Variants in PAPPA2 observed in about 807,000 individuals in gnomAD.
The protein encoded by PAPPA2 is pappalysin 2, also known as pappalysin-2.
A neutral mutation model predicts 176.4 loss-of-function variants in PAPPA2; 86 were observed. The observed-to-expected ratio is 0.49, with a 90% CI of 0.41 to 0.58. The LOEUF (loss-of-function observed/expected upper bound fraction) is 0.58. PAPPA2 is among the 20% of genes least tolerant of loss of function. The pLI is 0.00. For missense variants in PAPPA2, 2,073 were observed against 2,256.9 expected, an observed-to-expected ratio of 0.92 and a Z score of 1.65; for synonymous variants, 809 against 852.2, an observed-to-expected ratio of 0.95 and a Z score of 0.88.
At position 176,576,679 on chromosome 1, in the gene PAPPA2, G is replaced by A. The variant is rs550481656; in HGVS notation, c.920-17845G>A. 2.6e-5 allele frequency among the ~76,000 whole-genome samples: 4 copies of A among 152,300 alleles called. No individual in the cohort carries two copies. The South Asian group carries it at 8.3e-4, about 32-fold the overall frequency. On this transcript the variant is annotated intron_variant, in intron 2 of 22. Transcript: ENST00000367662. ...TCCTGCTCCTCAGTGTATGGTTTGA[G>A]ATTCAGCAGCATCAGTTTCTCCTGA...
At chr1:176,638,616 C>T (rs564643827) in intron 3 of PAPPA2, among the ~76,000 whole-genome samples, 103 of 152,162 alleles carry the variant, frequency 6.8e-4, no homozygotes, top group African/African-American at 2.4e-3. Context: ...AACCCTCCTT[C>T]ATGGCGCACT....
Position 176,845,563 on chromosome 1 carries a change from G to A in PAPPA2, c.*3109G>A, listed in dbSNP as rs1667632750. 6.6e-6 allele frequency: 1 copy of A among 152,180 alleles called. No individual in the cohort carries two copies. Among genetic ancestry groups the A allele is most frequent in the Non-Finnish European group, 1.5e-5 (1 of 68,036 alleles). 9.4% of individuals were successfully genotyped at this position (152,180 alleles called of 1,614,324 possible). ...ACAGCTACAGCCAGTTATTTTGTAAGATTATAAGTTGTTCATTAAAAAATC... is the reference window on the plus strand; with the variant it reads ...ACAGCTACAGCCAGTTATTTTGTAAAATTATAAGTTGTTCATTAAAAAATC... On this transcript the variant is annotated 3_prime_UTR_variant, in exon 23 of 23. Transcript: ENST00000367662.
intron 1 of PAPPA2, among the ~76,000 whole-genome samples, chr1:176,493,410 T>G (rs936080093): frequency 6.6e-6 from 1 of 152,216 alleles, no homozygotes; most frequent in African/African-American, 2.4e-5. Context: ...AGTATTGAAT[T>G]GACAGATGTC....
intron 3 of PAPPA2, among the ~76,000 whole-genome samples, chr1:176,644,800 C>G (rs1362258537): frequency 6.6e-6 from 1 of 151,736 alleles, no homozygotes. Context: ...AAGGTGACAT[C>G]TATACCACCT....
chr1:176,704,263 G>C (rs934046427), intron 9 of PAPPA2, among the ~76,000 whole-genome samples: 25 of 152,282 alleles, frequency 1.6e-4, no homozygotes, highest in African/African-American at 6.0e-4. Flanking sequence ...AATGTTCCTT[G>C]AAACTTCTGC....
chr1:176,761,957 G>A (rs1260162612), intron 14 of PAPPA2, among the ~76,000 whole-genome samples: 1 of 152,196 alleles, frequency 6.6e-6, no homozygotes, highest in Non-Finnish European at 1.5e-5. Flanking sequence ...GTAGTATTAG[G>A]TAGAAAGGAG....
intron 2 of PAPPA2, among the ~76,000 whole-genome samples, chr1:176,565,603 G>A (rs982363804): frequency 6.6e-6 from 1 of 152,186 alleles, no homozygotes. Context: ...GCTGAGGTGG[G>A]GGGATCACCT....
At chr1:176,645,514 C>A (rs952024160) in intron 3 of PAPPA2, among the ~76,000 whole-genome samples, 3 of 151,714 alleles carry the variant, frequency 2.0e-5, no homozygotes, top group African/African-American at 7.3e-5. Context: ...TAGTTTGATT[C>A]CATATTTTAG....
At chr1:176,598,400 T>C (rs942283879) in intron 3 of PAPPA2, among the ~76,000 whole-genome samples, 1 of 152,230 alleles carries the variant, frequency 6.6e-6, no homozygotes, top group Non-Finnish European at 1.5e-5. Flanking sequence ...ATCTCCTTCC[T>C]TGCCCTTGCA....
At position 176,521,071 on chromosome 1, in the gene PAPPA2, A is replaced by AGTGT. The variant is rs71643354; in HGVS notation, c.-916-34315_-916-34312dup. Among the ~76,000 whole-genome samples the AGTGT allele has an allele frequency of 4.1e-3, 614 of 149,968 alleles. 4 individuals are homozygous for AGTGT. Among genetic ancestry groups the AGTGT allele is most frequent in the Middle Eastern group, 6.8e-3 (2 of 294 alleles). On this transcript the variant is annotated intron_variant, in intron 1 of 22. Coordinates refer to ENST00000367662, the MANE Select transcript of PAPPA2 (RefSeq NM_020318.3). ...TTGATGTAAGAAAGCATAACACTGGAGTGTGTGTGTGTGTGTGTGTGTGTC... is the reference window on the plus strand; with the variant it reads ...TTGATGTAAGAAAGCATAACACTGGAGTGTGTGTGTGTGTGTGTGTGTGTGTGTC...
chr1:176,556,347 A>G lies in PAPPA2; in HGVS notation c.25A>G (p.Ile9Val), dbSNP rs1489808048. ...TATGATGTGCTTAAAGATCCTAAGAATAAGCCTGGCGATTTTGGCTGGGTG... is the reference window on the plus strand; with the variant it reads ...TATGATGTGCTTAAAGATCCTAAGAGTAAGCCTGGCGATTTTGGCTGGGTG... MMCLKILR[I>V]SLAILAGWAL... The change falls in exon 2 of 23, where the codon ATA (isoleucine) becomes GTA (valine). Residue 9 changes from isoleucine (I) to valine (V), a missense_variant. Transcript: ENST00000367662. The G allele has an allele frequency of 1.2e-5, 19 of 1,613,958 alleles. No homozygotes were observed. Among genetic ancestry groups the G allele is most frequent in the Admixed American group, 1.7e-5 (1 of 59,992 alleles).
chr1:176,510,810 T>TACACACACACACACACACACACACACAC (rs200808228), intron 1 of PAPPA2, among the ~76,000 whole-genome samples: 11 of 126,490 alleles, frequency 8.7e-5, no homozygotes, highest in Admixed American at 3.1e-4. Flanking sequence ...AAGCAACACA[T>TACACACACACACACACACACACACACAC]ACACACACAC....
intron 4 of PAPPA2, among the ~76,000 whole-genome samples, chr1:176,677,493 C>A (rs1246467023): frequency 6.6e-6 from 1 of 152,184 alleles, no homozygotes; most frequent in Non-Finnish European, 1.5e-5. Flanking sequence ...AATCTTTTTA[C>A]AGGTGGATCA....
chr1:176,567,192 T>C (rs1274272120), intron 2 of PAPPA2, among the ~76,000 whole-genome samples: 1 of 152,176 alleles, frequency 6.6e-6, no homozygotes, highest in Middle Eastern at 3.2e-3. Flanking sequence ...AAAGAGAACA[T>C]CCAGTAAAGA....
intron 3 of PAPPA2, among the ~76,000 whole-genome samples, chr1:176,652,521 C>A (rs914166703): frequency 6.6e-6 from 1 of 151,650 alleles, no homozygotes; most frequent in East Asian, 2.0e-4. Context: ...GGATTCATGC[C>A]CATGGGACCT....
chr1:176,786,494 C>T (rs1402116248), intron 17 of PAPPA2, among the ~76,000 whole-genome samples: 4 of 152,154 alleles, frequency 2.6e-5, no homozygotes, highest in South Asian at 2.1e-4. Context: ...TCAAGCCGTA[C>T]GCTAAGATTT....
intron 1 of PAPPA2, among the ~76,000 whole-genome samples, chr1:176,478,468 C>G (rs1652239963): frequency 1.3e-5 from 2 of 152,206 alleles, no homozygotes. Flanking sequence ...AAAATAGAAT[C>G]TACCTACTGA....
chr1:176,582,456 G>A (rs758446328), intron 2 of PAPPA2, among the ~76,000 whole-genome samples: 2 of 152,080 alleles, frequency 1.3e-5, no homozygotes, highest in Non-Finnish European at 2.9e-5. Flanking sequence ...GTCACTTATG[G>A]CCTTTATTGT....
intron 1 of PAPPA2, among the ~76,000 whole-genome samples, chr1:176,526,507 C>T (rs1020665309): frequency 4.6e-5 from 7 of 152,182 alleles, no homozygotes; most frequent in Non-Finnish European, 7.3e-5. Context: ...ATGACAGTAC[C>T]ACATGGAAGG....
Sources: allele counts gnomAD v4.1 joint callset (sites outside exome capture counted in the v4.1 genomes callset), GRCh38; gene constraint gnomAD v4.1.1; transcripts MANE v1.5; gene names NCBI Gene and HGNC (gene_info 2026-07-23, HGNC 2026-07-21).